PTPRD: variants seen among roughly 807,000 people sequenced by gnomAD.
PTPRD encodes the protein receptor-type tyrosine-protein phosphatase delta.
Under a neutral mutation model 214.5 loss-of-function variants are expected in PTPRD, and 34 were observed. The ratio of observed to expected loss-of-function variants is 0.16; its 90% CI spans 0.12 to 0.21. PTPRD has a LOEUF of 0.21. Ranked by LOEUF, PTPRD falls within the 10% of genes least tolerant of loss-of-function variation. The pLI is 1.00. For synonymous variants in PTPRD, 1,128 were observed against 845.7 expected (o/e 1.33, Z -5.79); for missense variants, 2,545 against 2,398.7 (o/e 1.06, Z -1.27).
At chr9:8,589,536 T>G (rs189850419) in intron 14 of PTPRD, among the ~76,000 whole-genome samples, 2 of 152,330 alleles carry the variant, frequency 1.3e-5, no homozygotes, top group East Asian at 1.9e-4. Context: ...ATTAACCATG[T>G]TGAAAACAAG....
intron 8 of PTPRD, among the ~76,000 whole-genome samples, chr9:9,413,426 T>A (rs982426809): frequency 2.6e-5 from 4 of 152,186 alleles, no homozygotes; most frequent in African/African-American, 9.7e-5. Flanking sequence ...CAGCTTCTTA[T>A]TTTAAATCAT....
intron 39 of PTPRD, among the ~76,000 whole-genome samples, chr9:8,364,756 A>T (rs958782535): frequency 2.6e-5 from 4 of 152,210 alleles, no homozygotes; most frequent in African/African-American, 9.6e-5. Context: ...CTGCTGCGGT[A>T]GCCTCACTGA....
At chr9:9,799,116 G>A (rs1054480998) in intron 5 of PTPRD, among the ~76,000 whole-genome samples, 1 of 152,032 alleles carries the variant, frequency 6.6e-6, no homozygotes, top group Non-Finnish European at 1.5e-5. Context: ...TTGACCAGAA[G>A]GTTCCCTCCA....
chr9:9,044,313 C>A (rs1278966898), intron 10 of PTPRD, among the ~76,000 whole-genome samples: 1 of 152,194 alleles, frequency 6.6e-6, no homozygotes, highest in Non-Finnish European at 1.5e-5. Context: ...CAAAAAAGAA[C>A]ACATATACAC....
At chr9:9,705,982 G>C (rs2097594938) in intron 7 of PTPRD, among the ~76,000 whole-genome samples, 1 of 152,022 alleles carries the variant, frequency 6.6e-6, no homozygotes, top group Admixed American at 6.6e-5. Flanking sequence ...TAATGGCTTT[G>C]GGCAATGTTT....
At chr9:10,527,562 G>C (rs546403713) in intron 2 of PTPRD, among the ~76,000 whole-genome samples, 1 of 152,278 alleles carries the variant, frequency 6.6e-6, no homozygotes, top group East Asian at 1.9e-4. Context: ...GTTAATACAT[G>C]TAGAATAGCT....
intron 3 of PTPRD, among the ~76,000 whole-genome samples, chr9:10,123,726 T>C (rs930327035): frequency 6.6e-6 from 1 of 152,232 alleles, no homozygotes; most frequent in African/African-American, 2.4e-5. Flanking sequence ...TACCTTGGAA[T>C]AGTGAATACG....
intron 9 of PTPRD, among the ~76,000 whole-genome samples, chr9:9,252,719 G>A (rs148059654): frequency 4.6e-5 from 7 of 152,056 alleles, no homozygotes; most frequent in African/African-American, 1.4e-4. Context: ...GGCTTCAAGC[G>A]ATGCAGTCAC....
chr9:9,035,744 A>G (rs2099619671), intron 10 of PTPRD, among the ~76,000 whole-genome samples: 1 of 152,110 alleles, frequency 6.6e-6, no homozygotes, highest in South Asian at 2.1e-4. Context: ...TTGGCTATAT[A>G]AAAGGGTGTG....
intron 11 of PTPRD, among the ~76,000 whole-genome samples, chr9:8,785,115 C>G (rs1000707949): frequency 6.6e-6 from 1 of 152,090 alleles, no homozygotes; most frequent in South Asian, 2.1e-4. Flanking sequence ...ACAACAAGGC[C>G]TCCCACAGCC....
intron 17 of PTPRD, among the ~76,000 whole-genome samples, chr9:8,525,534 TAA>T (rs1415134219): frequency 6.6e-6 from 1 of 152,066 alleles, no homozygotes; most frequent in African/African-American, 2.4e-5. Flanking sequence ...AGCAAAAAAT[TAA>T]AATTAGTCAT....
intron 11 of PTPRD, chr9:8,958,589 A>G (rs1432189916): frequency 6.6e-6 from 1 of 152,016 alleles, no homozygotes; most frequent in Non-Finnish European, 1.5e-5. Context: ...GACTAAGCCA[A>G]TAAAGCTTCC....
At chr9:9,113,875 T>A (rs1004359955) in intron 10 of PTPRD, among the ~76,000 whole-genome samples, 1 of 152,160 alleles carries the variant, frequency 6.6e-6, no homozygotes, top group Non-Finnish European at 1.5e-5. Flanking sequence ...GATAGCAATA[T>A]GCTATAGTAA....
intron 22 of PTPRD, among the ~76,000 whole-genome samples, chr9:8,505,624 C>CAAA (rs954059567): frequency 2.9e-3 from 154 of 53,448 alleles, no homozygotes; most frequent in African/African-American, 3.7e-3. Context: ...GACTCTGTCT[C>CAAA]AAAAAAAAAA....
chr9:10,429,890 C>G (rs1742418615), intron 2 of PTPRD, among the ~76,000 whole-genome samples: 1 of 151,854 alleles, frequency 6.6e-6, no homozygotes, highest in Admixed American at 6.6e-5. Context: ...AATTAAGGCA[C>G]AGGGAGGTTA....
intron 2 of PTPRD, among the ~76,000 whole-genome samples, chr9:10,493,840 C>T (rs553656411): frequency 6.6e-6 from 1 of 152,076 alleles, no homozygotes; most frequent in East Asian, 1.9e-4. Flanking sequence ...ACAAATACAC[C>T]TTTTACCTAG....
At chr9:9,108,849 G>A (rs930121188) in intron 10 of PTPRD, among the ~76,000 whole-genome samples, 1 of 152,126 alleles carries the variant, frequency 6.6e-6, no homozygotes, top group African/African-American at 2.4e-5. Flanking sequence ...CTGGTCGGGG[G>A]AGCAATGGAA....
intron 11 of PTPRD, among the ~76,000 whole-genome samples, chr9:8,890,401 C>A (rs1467408117): frequency 6.6e-6 from 1 of 152,162 alleles, no homozygotes; most frequent in Non-Finnish European, 1.5e-5. Flanking sequence ...AACTATTGGC[C>A]TCAGGCAAGA....
chr9:9,061,694 A>T (rs1038854794), intron 10 of PTPRD, among the ~76,000 whole-genome samples: 1 of 152,182 alleles, frequency 6.6e-6, no homozygotes, highest in African/African-American at 2.4e-5. Context: ...TTATTAAATG[A>T]AAATCCTCTG....
Sources: allele counts gnomAD v4.1 joint callset (sites outside exome capture counted in the v4.1 genomes callset), GRCh38; gene constraint gnomAD v4.1.1; transcripts MANE v1.5; gene names NCBI Gene and HGNC (gene_info 2026-07-23, HGNC 2026-07-21).